Variants in HYDIN observed in about 807,000 individuals in gnomAD.
HYDIN encodes axonemal central pair apparatus protein HYDIN.
A neutral mutation model predicts 403.9 loss-of-function variants in HYDIN; 132 were observed. The observed-to-expected ratio is 0.33, with a 90% CI of 0.28 to 0.38. The LOEUF (loss-of-function observed/expected upper bound fraction) is 0.38, where lower values mean the gene tolerates loss of function less well. Ranked by LOEUF, HYDIN falls within the 10% of genes least tolerant of loss-of-function variation. HYDIN has a pLI of 1.00. For missense variants in HYDIN, 2,827 were observed against 5,009.5 expected (o/e 0.56, Z 13.15); for synonymous variants, 1,202 against 1,891.7 (o/e 0.64, Z 9.46).
intron 76 of HYDIN, among the ~76,000 whole-genome samples, chr16:70,838,477 G>C (rs567097792): frequency 6.6e-6 from 1 of 152,074 alleles, no homozygotes; most frequent in African/African-American, 2.4e-5. Flanking sequence ...AGGCCACCGC[G>C]CCCAGCCTGA....
At chr16:71,217,380 C>T (rs2088943368) in intron 1 of HYDIN, among the ~76,000 whole-genome samples, 1 of 152,164 alleles carries the variant, frequency 6.6e-6, no homozygotes, top group Admixed American at 6.6e-5. Flanking sequence ...AAGTAGAGAT[C>T]TCATTTGTCC....
At chr16:70,878,824 T>C (rs2040604080) in intron 62 of HYDIN, among the ~76,000 whole-genome samples, 1 of 140,038 alleles carries the variant, frequency 7.1e-6, no homozygotes, top group African/African-American at 3.2e-5. Context: ...GGAATAGATC[T>C]TTTTCAAAAG....
chr16:70,922,557 T>C (rs2077026860), intron 45 of HYDIN, among the ~76,000 whole-genome samples: 1 of 152,102 alleles, frequency 6.6e-6, no homozygotes. Context: ...ATAGAGCATG[T>C]ACTCTGCGGA....
chr16:71,075,911 G>T, intron 13 of HYDIN: 2 of 323,728 alleles, frequency 6.2e-6, no homozygotes. Flanking sequence ...CCTGCCTGGG[G>T]CAGCTAACTC....
rs571537646 is a variant in HYDIN at position 70,892,227 on chromosome 16, T to C, written c.9417+134A>G. The stretch of plus-strand genomic sequence containing the variant: ...ATAGTTAGGACAGAACCCCGGTGTA[T>C]CCTATCTGGTTGCCACCCAGGCCAG... On this transcript the variant is annotated intron_variant, in intron 56 of 85. Transcript: ENST00000393567. The C allele has an allele frequency of 1.4e-3, 1,172 of 849,696 alleles. 13 individuals are homozygous for C. In the African/African-American group the frequency reaches 0.019, roughly 14 times the overall value. 52.6% of individuals were successfully genotyped at this position (849,696 alleles called of 1,614,324 possible).
At chr16:70,994,587 C>T (rs1316289274) in intron 23 of HYDIN, among the ~76,000 whole-genome samples, 2 of 146,846 alleles carry the variant, frequency 1.4e-5, no homozygotes. Context: ...CCGGGAAGCT[C>T]CTTAAAATAA....
chr16:70,937,984 G>A (rs997722331), intron 44 of HYDIN, among the ~76,000 whole-genome samples: 1 of 152,196 alleles, frequency 6.6e-6, no homozygotes, highest in Admixed American at 6.5e-5. Flanking sequence ...TGGGGGGATC[G>A]AGTAGTTTCT....
At chr16:70,841,274 T>C (rs2037800320) in intron 75 of HYDIN, among the ~76,000 whole-genome samples, 1 of 152,126 alleles carries the variant, frequency 6.6e-6, no homozygotes, top group African/African-American at 2.4e-5. Context: ...AGGATGTAAA[T>C]TTATCATCTT....
At chr16:71,053,332 C>T (rs929919249) in intron 18 of HYDIN, among the ~76,000 whole-genome samples, 1 of 152,196 alleles carries the variant, frequency 6.6e-6, no homozygotes, top group African/African-American at 2.4e-5. Flanking sequence ...AGATATACTC[C>T]CTATTTGTAT....
rs192059780 is a variant in HYDIN, at chr16:70,921,262, G to A, written c.7159-45C>T. 165 of 1,521,938 alleles carry A rather than the reference G, an allele frequency of 1.1e-4. No individual in the cohort carries two copies. The African/African-American group carries it at 1.1e-3, about 10-fold the overall frequency. The allele number at this position is 1,521,938 out of a possible 1,614,324, so 94.3% of individuals were successfully genotyped here. The stretch of plus-strand genomic sequence containing the variant: ...AAAGATGCGTCAAACAGTTTTTTAC[G>A]GGGTAGTAAATTGCATAAGGAGGAG... On this transcript the variant is annotated intron_variant, in intron 45 of 85. Coordinates refer to ENST00000393567, the MANE Select transcript of HYDIN (RefSeq NM_001270974.2).
chr16:70,999,051 C>A (rs1466158209), intron 23 of HYDIN, among the ~76,000 whole-genome samples: 1 of 152,148 alleles, frequency 6.6e-6, no homozygotes, highest in African/African-American at 2.4e-5. Flanking sequence ...TGGAAACTGA[C>A]GAGAGATCGC....
chr16:71,151,643 GT>G (rs2085541446), intron 7 of HYDIN, among the ~76,000 whole-genome samples: 1 of 151,496 alleles, frequency 6.6e-6, no homozygotes, highest in African/African-American at 2.4e-5. Context: ...GTGCGCCTCT[GT>G]TTTCTCCCTA....
intron 28 of HYDIN, 27 bp from the exon 29 acceptor site, chr16:70,981,595 G>C (rs765553436): frequency 6.2e-7 from 1 of 1,602,678 alleles, no homozygotes; most frequent in Non-Finnish European, 8.5e-7. Context: ...CCAGAAAAGG[G>C]AAAACGAATG....
chr16:70,909,957 G>A (rs1305940406), intron 47 of HYDIN, among the ~76,000 whole-genome samples: 1 of 151,318 alleles, frequency 6.6e-6, no homozygotes, highest in Non-Finnish European at 1.5e-5. Flanking sequence ...CTCCCAAAGT[G>A]CTGGGATTAC....
intron 81 of HYDIN, 40 bp downstream of exon 81, chr16:70,829,578 A>G (rs764743138): frequency 6.5e-7 from 1 of 1,539,626 alleles, no homozygotes; most frequent in South Asian, 1.1e-5. Flanking sequence ...ACCTTCAACT[A>G]TGCCAGGAAA....
intron 5 of HYDIN, among the ~76,000 whole-genome samples, chr16:71,165,243 C>T (rs964563943): frequency 2.0e-5 from 3 of 151,452 alleles, no homozygotes; most frequent in Non-Finnish European, 4.4e-5. Context: ...ACATCTCCTC[C>T]TCTCCCCTGG....
intron 15 of HYDIN, among the ~76,000 whole-genome samples, chr16:71,065,716 A>G (rs1416218924): frequency 6.6e-6 from 1 of 152,066 alleles, no homozygotes; most frequent in African/African-American, 2.4e-5. Context: ...TGGCATTATA[A>G]ACTCTTCTTA....
intron 20 of HYDIN, among the ~76,000 whole-genome samples, chr16:71,026,804 G>A (rs2080719255): frequency 6.6e-6 from 1 of 152,202 alleles, no homozygotes. Flanking sequence ...TAGCTTTCCA[G>A]CTGTGTCTAC....
At chr16:71,207,651 C>A (rs946406667) in intron 1 of HYDIN, among the ~76,000 whole-genome samples, 1 of 152,070 alleles carries the variant, frequency 6.6e-6, no homozygotes, top group African/African-American at 2.4e-5. Flanking sequence ...AAGCAAGACC[C>A]AATGGTATGC....
Sources: allele counts gnomAD v4.1 joint callset (sites outside exome capture counted in the v4.1 genomes callset), GRCh38; gene constraint gnomAD v4.1.1; transcripts MANE v1.5; gene names NCBI Gene and HGNC (gene_info 2026-07-23, HGNC 2026-07-21).